Variants in PCOLCE2 observed in about 807,000 individuals in gnomAD.
PCOLCE2 encodes the protein procollagen C-endopeptidase enhancer 2.
In PCOLCE2, 42 loss-of-function variants were observed where a neutral mutation model predicts 47.0. The observed-to-expected ratio is 0.89, with a 90% confidence interval of 0.70 to 1.16. PCOLCE2 has a LOEUF of 1.16. Among genes scored for constraint, PCOLCE2 ranks in the 50% most tolerant of loss-of-function variants. PCOLCE2 has a pLI of 0.00. For missense variants in PCOLCE2, 500 were observed against 526.1 expected, an observed-to-expected ratio of 0.95 and a Z score of 0.49; for synonymous variants, 169 against 191.7, an observed-to-expected ratio of 0.88 and a Z score of 0.98.
At chr3:142,847,411 G>T (rs1937338410) in intron 3 of PCOLCE2, among the ~76,000 whole-genome samples, 1 of 152,206 alleles carries the variant, frequency 6.6e-6, no homozygotes, top group African/African-American at 2.4e-5. Context: ...TCCAAAAGCA[G>T]ATTATGGACT....
chr3:142,824,123 A>G (rs1000401078), intron 6 of PCOLCE2, among the ~76,000 whole-genome samples: 3 of 152,206 alleles, frequency 2.0e-5, no homozygotes, highest in African/African-American at 7.2e-5. Context: ...ATTAGATGCA[A>G]CCCATCACTA....
At chr3:142,829,658 G>C in intron 6 of PCOLCE2, 34 bp downstream of exon 6, 1 of 1,512,932 alleles carries the variant, frequency 6.6e-7, no homozygotes. Context: ...TACTCCTAAA[G>C]TTTTTGCACA....
chr3:142,879,868 G>A (rs1012912032), intron 2 of PCOLCE2, among the ~76,000 whole-genome samples: 1 of 151,806 alleles, frequency 6.6e-6, no homozygotes, highest in Non-Finnish European at 1.5e-5. Context: ...CTACTGGGGA[G>A]GCTGAGGCAA....
intron 6 of PCOLCE2, among the ~76,000 whole-genome samples, chr3:142,824,717 G>A (rs1937054535): frequency 6.6e-6 from 1 of 152,194 alleles, no homozygotes; most frequent in Non-Finnish European, 1.5e-5. Flanking sequence ...TTGGCTCACT[G>A]CAAGCTCCAC....
intron 2 of PCOLCE2, among the ~76,000 whole-genome samples, chr3:142,870,303 T>C (rs1311746082): frequency 1.3e-5 from 2 of 152,302 alleles, no homozygotes; most frequent in Non-Finnish European, 2.9e-5. Flanking sequence ...GACGGATAGA[T>C]CACACTCGAG....
At chr3:142,853,360 A>C (rs543765138) in intron 2 of PCOLCE2, among the ~76,000 whole-genome samples, 1 of 152,228 alleles carries the variant, frequency 6.6e-6, no homozygotes, top group South Asian at 2.1e-4. Context: ...GCTCTGTCCA[A>C]TTAGCAGTGC....
intron 2 of PCOLCE2, among the ~76,000 whole-genome samples, chr3:142,879,950 G>T (rs375870992): frequency 2.3e-5 from 3 of 133,098 alleles, no homozygotes; most frequent in African/African-American, 8.3e-5. Context: ...CAGCCTGGGC[G>T]ACAGAGCGAG....
At chr3:142,881,972 C>T (rs574536647) in intron 2 of PCOLCE2, among the ~76,000 whole-genome samples, 40 of 152,266 alleles carry the variant, frequency 2.6e-4, no homozygotes, top group Non-Finnish European at 5.0e-4. Context: ...GCCACATTCT[C>T]CTCCCATTTC....
chr3:142,818,416 T>C lies in PCOLCE2; in HGVS notation c.1167A>G (p.Lys389=). ...TCATGATAAAGCTGTTTGGCATGAT[T>C]TTGCCTCGCCCATCTTCACCTACTT... ...MGQVGEDGRG[K]IMPNSFIMMF... The change falls in exon 9 of 9, where the codon AAA becomes AAG. Residue 389 remains lysine, a synonymous_variant. Coordinates refer to ENST00000295992, the MANE Select transcript of PCOLCE2 (RefSeq NM_013363.4). 1 of 1,613,002 alleles carries C rather than the reference T, an allele frequency of 6.2e-7. No individual in the cohort carries two copies. The highest frequency in any genetic ancestry group is 8.5e-7 in the Non-Finnish European group (1 of 1,179,136).
intron 2 of PCOLCE2, chr3:142,887,194 GGT>G (rs1187065056): frequency 6.6e-6 from 1 of 152,362 alleles, no homozygotes; most frequent in Non-Finnish European, 1.5e-5. Context: ...CTTTAGAGGT[GGT>G]TTCAACCCAG....
chr3:142,888,864 G>T lies in PCOLCE2; in HGVS notation c.33C>A (p.Cys11Ter), dbSNP rs749049252. The T allele has an allele frequency of 2.8e-5, 43 of 1,548,022 alleles. No homozygotes were observed. Among genetic ancestry groups the T allele is most frequent in the Non-Finnish European group, 3.7e-5 (42 of 1,150,122 alleles). Residue 11 changes from cysteine (C) to a stop codon, truncating the protein, a stop_gained, in exon 1 of 9, where the codon TGC becomes TGA. Transcript: ENST00000295992. LOFTEE classifies it high-confidence loss of function. Reference protein sequence around the residue: MRGANAWAPLCLLLAAATQLS... With the variant: MRGANAWAPL ...GCTGGGTGGCGGCAGCCAGCAGCAGGCAGAGTGGCGCCCAGGCGTTCGCGC... is the reference window on the plus strand; with the variant it reads ...GCTGGGTGGCGGCAGCCAGCAGCAGTCAGAGTGGCGCCCAGGCGTTCGCGC...
chr3:142,849,962 C>T (rs1167210359), intron 2 of PCOLCE2, among the ~76,000 whole-genome samples: 32 of 152,090 alleles, frequency 2.1e-4, no homozygotes, highest in Admixed American at 1.7e-3. Context: ...TACACTTCAT[C>T]GTAGAAATTA....
At chr3:142,827,040 T>C (rs1002287278) in intron 6 of PCOLCE2, 12 of 903,738 alleles carry the variant, frequency 1.3e-5, no homozygotes, top group Non-Finnish European at 3.5e-6. Context: ...TATCTATATA[T>C]TGATGACTCT....
chr3:142,849,884 T>C (rs993158109), intron 2 of PCOLCE2, among the ~76,000 whole-genome samples: 1 of 152,222 alleles, frequency 6.6e-6, no homozygotes. Context: ...TACAGTGCCA[T>C]ACGTTTTATT....
intron 5 of PCOLCE2, among the ~76,000 whole-genome samples, chr3:142,837,340 G>A (rs1312766669): frequency 1.3e-5 from 2 of 152,194 alleles, no homozygotes; most frequent in African/African-American, 4.8e-5. Context: ...AATGGGAAAA[G>A]AATTATCTAG....
chr3:142,879,101 T>C (rs563552754), intron 2 of PCOLCE2, among the ~76,000 whole-genome samples: 1 of 152,326 alleles, frequency 6.6e-6, no homozygotes, highest in African/African-American at 2.4e-5. Flanking sequence ...ATCTTAAAAA[T>C]CCTTTCTGAG....
At chr3:142,828,174 T>A (rs1449680412) in intron 6 of PCOLCE2, among the ~76,000 whole-genome samples, 1 of 152,158 alleles carries the variant, frequency 6.6e-6, no homozygotes, top group Non-Finnish European at 1.5e-5. Flanking sequence ...CATCAACAGC[T>A]TCCCCCACAC....
intron 1 of PCOLCE2, 82 bp downstream of exon 1, chr3:142,888,732 G>A: frequency 2.3e-6 from 2 of 858,342 alleles, no homozygotes; most frequent in Non-Finnish European, 3.3e-6. Context: ...CGCCGAAGCG[G>A]GTTGAGTAAA....
chr3:142,821,032 A>G lies in PCOLCE2; in HGVS notation c.963T>C (p.Thr321=). The G allele has an allele frequency of 6.2e-7, 1 of 1,608,826 alleles. No individual in the cohort carries two copies. Among genetic ancestry groups the G allele is most frequent in the Non-Finnish European group, 8.5e-7 (1 of 1,175,506 alleles). ...CATCGCGAGTGATGGTTGTGATAAC[A>G]GTGCCGGCTAATACTGCAGAAGAAA... ...YCSSDFVLAG[T]VITTITRDGS... is the part of the protein sequence containing the mutation. Residue 321 remains threonine, a synonymous_variant, in exon 8 of 9, where the codon ACT becomes ACC. Coordinates refer to ENST00000295992, the MANE Select transcript of PCOLCE2 (RefSeq NM_013363.4).
Sources: gnomAD v4.1 joint callset for allele counts (sites outside exome capture counted in the v4.1 genomes callset) on GRCh38, gnomAD v4.1.1 for gene constraint, MANE v1.5 for transcripts, NCBI Gene and HGNC (gene_info 2026-07-23, HGNC 2026-07-21) for gene names.